Variants in ESR2 observed in about 807,000 individuals in gnomAD.
The protein encoded by ESR2 is estrogen receptor 2.
ESR2 carries 36 observed loss-of-function variants against 49.6 expected under a neutral mutation model. The observed-to-expected ratio is 0.73, with a 90% confidence interval of 0.56 to 0.96. The LOEUF is 0.96. Ranked by LOEUF, ESR2 falls within the 40% of genes least tolerant of loss-of-function variation. The pLI is 0.00. For missense variants in ESR2, 714 were observed against 693.0 expected (o/e 1.03, Z -0.34); for synonymous variants, 320 against 266.1 (o/e 1.20, Z -1.97).
intron 5 of ESR2, 171 bp from the exon 6 acceptor site, chr14:64,257,535 A>G: frequency 1.2e-6 from 1 of 800,492 alleles, no homozygotes; most frequent in African/African-American, 1.7e-5. Flanking sequence ...TTTGAAGTTA[A>G]GCTGCGCAAC....
Position 64,261,563 on chromosome 14 carries a change from G to A in ESR2, c.653-815C>T, listed in dbSNP as rs1176782808. On this transcript the variant is annotated intron_variant, in intron 4 of 8. Coordinates refer to ENST00000341099, the MANE Select transcript of ESR2 (RefSeq NM_001437.3). Reference sequence around the variant, plus strand: ...CTCCCAAGTAGCTGGGATTACAGGAGCCCGCCACCATGCCTGGCTAATTTT... The same window carrying A: ...CTCCCAAGTAGCTGGGATTACAGGAACCCGCCACCATGCCTGGCTAATTTT... Among the ~76,000 whole-genome samples the A allele has an allele frequency of 3.3e-5, 5 of 151,794 alleles. No individual in the cohort carries two copies. The South Asian group carries it at 1.0e-3, about 32-fold the overall frequency.
rs60771514 is a variant in ESR2 at position 64,256,354 on chromosome 14, T to A, written c.1091+872A>T. ...CCAAGATACAGCATCATGTCCCATT[T>A]TCTGTTAAGTTTCATATAGTTTTAG... is the stretch of plus-strand genomic sequence containing the variant. On this transcript the variant is annotated intron_variant, in intron 6 of 8. Transcript: ENST00000341099. 6.1e-3 allele frequency among the ~76,000 whole-genome samples: 928 copies of A among 152,332 alleles called. 8 individuals are homozygous for A. Among genetic ancestry groups the A allele is most frequent in the African/African-American group, 0.021 (853 of 41,580 alleles).
At chr14:64,273,555 T>A (rs1275482032) in intron 3 of ESR2, among the ~76,000 whole-genome samples, 1 of 152,204 alleles carries the variant, frequency 6.6e-6, no homozygotes, top group Non-Finnish European at 1.5e-5. Flanking sequence ...CAGCATCAAT[T>A]GAAATTATAT....
chr14:64,307,287 C>G (rs963994161), intron 1 of ESR2, among the ~76,000 whole-genome samples: 1 of 151,870 alleles, frequency 6.6e-6, no homozygotes, highest in Non-Finnish European at 1.5e-5. Context: ...TCTCGGCTCA[C>G]TGCAACCTCT....
chr14:64,273,207 A>G (rs1353384736), intron 3 of ESR2, among the ~76,000 whole-genome samples: 1 of 152,136 alleles, frequency 6.6e-6, no homozygotes, highest in East Asian at 1.9e-4. Flanking sequence ...TATTAGATCT[A>G]ATAGTTTTTT....
chr14:64,302,334 C>T (rs1418942090), intron 1 of ESR2, among the ~76,000 whole-genome samples: 1 of 151,774 alleles, frequency 6.6e-6, no homozygotes, highest in Non-Finnish European at 1.5e-5. Flanking sequence ...CTACAGGCTC[C>T]TGCCACCATG....
intron 1 of ESR2, among the ~76,000 whole-genome samples, chr14:64,308,730 ATAC>A: frequency 6.6e-6 from 1 of 152,078 alleles, no homozygotes; most frequent in Middle Eastern, 3.4e-3. Flanking sequence ...CATAAACTTT[ATAC>A]TACATGTTGT....
chr14:64,245,658 G>T (rs1242404692), intron 7 of ESR2, among the ~76,000 whole-genome samples: 2 of 151,730 alleles, frequency 1.3e-5, no homozygotes, highest in African/African-American at 2.4e-5. Flanking sequence ...CTGTCATGCT[G>T]CAGGGGAATG....
At chr14:64,295,053 C>T (rs2076938433), upstream of ESR2, among the ~76,000 whole-genome samples, 1 of 152,224 alleles carries the variant, frequency 6.6e-6, no homozygotes, top group Non-Finnish European at 1.5e-5. Flanking sequence ...CCCAGTTCCC[C>T]CAGCTTAATG....
At chr14:64,227,819 T>C, downstream of ESR2, 2 of 1,573,860 alleles carry the variant, frequency 1.3e-6, no homozygotes, top group Non-Finnish European at 1.7e-6. Context: ...TATGAGGTAG[T>C]CTGGGTTTTA....
chr14:64,327,941 T>A (rs1250642307), intron 1 of ESR2, among the ~76,000 whole-genome samples: 1 of 150,558 alleles, frequency 6.6e-6, no homozygotes, highest in African/African-American at 2.4e-5. Flanking sequence ...GCACAGTGGC[T>A]CAAGCCTATA....
intron 1 of ESR2, among the ~76,000 whole-genome samples, chr14:64,319,123 A>G (rs1361592205): frequency 6.6e-6 from 1 of 152,226 alleles, no homozygotes; most frequent in Non-Finnish European, 1.5e-5. Context: ...ACTCATCCAA[A>G]GTCTGATCTT....
intron 1 of ESR2, chr14:64,336,665 T>C (rs2140913506): frequency 1.3e-5 from 2 of 152,302 alleles, no homozygotes; most frequent in South Asian, 4.1e-4. Context: ...ACCTGTTCCT[T>C]TGGTGGGATC....
intron 4 of ESR2, among the ~76,000 whole-genome samples, chr14:64,268,274 A>G (rs554130998): frequency 6.6e-6 from 1 of 152,360 alleles, no homozygotes; most frequent in East Asian, 1.9e-4. Flanking sequence ...TGTACTTTTC[A>G]TAGTTCCATT....
rs1298135734 is a variant in ESR2 at position 64,307,666 on chromosome 14, G to A, written c.-90-24591C>T. The stretch of plus-strand genomic sequence containing the variant: ...TCTCCTGCCTCAGCCTCCTGAGTAG[G>A]TGGGACTACAGGCGCCCACCACCAC... On this transcript the variant is annotated intron_variant, in intron 1 of 8. Transcript: ENST00000358599. Among the ~76,000 whole-genome samples, 4 of 151,830 alleles carry A rather than the reference G, an allele frequency of 2.6e-5. No homozygotes were observed. The East Asian group carries it at 7.8e-4, about 29-fold the overall frequency.
chr14:64,263,745 G>A (rs904695975), intron 4 of ESR2, among the ~76,000 whole-genome samples: 3 of 152,140 alleles, frequency 2.0e-5, no homozygotes, highest in African/African-American at 7.2e-5. Context: ...GAAACTGACA[G>A]ATGCAGTATT....
chr14:64,337,212 G>A (rs1198928711), intron 1 of ESR2, among the ~76,000 whole-genome samples: 1 of 152,238 alleles, frequency 6.6e-6, no homozygotes, highest in African/African-American at 2.4e-5. Context: ...AACAAATTGA[G>A]AGATAAAGCA....
At chr14:64,305,463 G>A (rs1275174292) in intron 1 of ESR2, among the ~76,000 whole-genome samples, 2 of 151,692 alleles carry the variant, frequency 1.3e-5, no homozygotes, top group East Asian at 3.9e-4. Context: ...GAGGTCAGGA[G>A]ATCGAGACCA....
chr14:64,335,166 C>T (rs1459910105), intron 1 of ESR2, among the ~76,000 whole-genome samples: 1 of 152,080 alleles, frequency 6.6e-6, no homozygotes, highest in Non-Finnish European at 1.5e-5. Flanking sequence ...AAGTGCTGTA[C>T]ATAGAATAAT....
Sources: allele counts gnomAD v4.1 joint callset (sites outside exome capture counted in the v4.1 genomes callset), GRCh38; gene constraint gnomAD v4.1.1; transcripts MANE v1.5; gene names NCBI Gene and HGNC (gene_info 2026-07-23, HGNC 2026-07-21).